The following PKP2 variants were observed in gnomAD, a reference collection of about 807,000 sequenced individuals.
The protein encoded by PKP2 is plakophilin-2.
A neutral mutation model predicts 83.4 loss-of-function variants in PKP2; 73 were observed. That is an observed-to-expected ratio of 0.88 (90% CI 0.72 to 1.06). The LOEUF (loss-of-function observed/expected upper bound fraction) is 1.06, where lower values mean the gene tolerates loss of function less well. Ranked by LOEUF, PKP2 falls within the 50% of genes least tolerant of loss-of-function variation. The pLI is 0.00. For missense variants in PKP2, 966 were observed against 1,065.4 expected (o/e 0.91, Z 1.30); for synonymous variants, 409 against 430.4 (o/e 0.95, Z 0.62).
chr12:32,892,316 T>C (rs1957081036), intron 1 of PKP2, among the ~76,000 whole-genome samples: 1 of 98,884 alleles, frequency 1.0e-5, no homozygotes, highest in East Asian at 2.2e-4. Flanking sequence ...CAGAATTCAC[T>C]TTTTTTTTTT....
chr12:32,847,460 C>T (rs1956657069), intron 5 of PKP2, among the ~76,000 whole-genome samples: 1 of 152,204 alleles, frequency 6.6e-6, no homozygotes, highest in African/African-American at 2.4e-5. Context: ...ACAGAATGTT[C>T]TCTGACGTTA....
chr12:32,876,777 G>T (rs906505607), intron 3 of PKP2, among the ~76,000 whole-genome samples: 1 of 152,150 alleles, frequency 6.6e-6, no homozygotes, highest in Non-Finnish European at 1.5e-5. Context: ...TGATTCGCTC[G>T]CCTGGGCATC....
chr12:32,799,221 A>G (rs1443776036), intron 10 of PKP2, among the ~76,000 whole-genome samples: 1 of 152,238 alleles, frequency 6.6e-6, no homozygotes, highest in African/African-American at 2.4e-5. Context: ...ATGCAAATTA[A>G]AAGCACAATG....
At chr12:32,823,598 G>T (rs76065521) in intron 7 of PKP2, among the ~76,000 whole-genome samples, 4,144 of 130,110 alleles carry the variant, frequency 0.032, 205 homozygotes, top group African/African-American at 0.11. Context: ...AAGGCAATAG[G>T]TTTTAATATT....
chr12:32,842,085 G>T (rs1012157366), intron 5 of PKP2, among the ~76,000 whole-genome samples: 6 of 152,152 alleles, frequency 3.9e-5, no homozygotes, highest in Admixed American at 3.9e-4. Context: ...CTGAGGCTGA[G>T]TACTGAGAGA....
intron 1 of PKP2, among the ~76,000 whole-genome samples, chr12:32,883,827 C>CAA (rs1169352574): frequency 6.6e-6 from 1 of 152,106 alleles, no homozygotes; most frequent in East Asian, 1.9e-4. Context: ...AGCATAGACT[C>CAA]AAACGCTTTC....
intron 9 of PKP2, among the ~76,000 whole-genome samples, chr12:32,804,757 A>G (rs1363475052): frequency 6.6e-6 from 1 of 152,304 alleles, no homozygotes; most frequent in East Asian, 1.9e-4. Flanking sequence ...TGCTGCAATG[A>G]ACAAACACAT....
At chr12:32,884,670 T>C (rs1049316379) in intron 1 of PKP2, among the ~76,000 whole-genome samples, 6 of 152,236 alleles carry the variant, frequency 3.9e-5, no homozygotes, top group African/African-American at 1.2e-4. Flanking sequence ...AGATAAGGTT[T>C]CTAAATAGAA....
At chr12:32,867,777 TGA>T (rs756646443) in intron 4 of PKP2, among the ~76,000 whole-genome samples, 2 of 152,218 alleles carry the variant, frequency 1.3e-5, no homozygotes, top group African/African-American at 2.4e-5. Flanking sequence ...TGTTTGTGTG[TGA>T]GAGAGATTGA....
intron 10 of PKP2, among the ~76,000 whole-genome samples, chr12:32,801,347 C>T (rs1325484370): frequency 6.6e-6 from 1 of 151,174 alleles, no homozygotes; most frequent in Non-Finnish European, 1.5e-5. Flanking sequence ...GGATAATACA[C>T]TGCCATTGAA....
chr12:32,840,372 C>T (rs1956578517), intron 6 of PKP2, among the ~76,000 whole-genome samples: 2 of 152,134 alleles, frequency 1.3e-5, no homozygotes, highest in Admixed American at 6.5e-5. Flanking sequence ...AATCATGGCT[C>T]ACTGGAACCT....
intron 4 of PKP2, among the ~76,000 whole-genome samples, chr12:32,865,433 C>A (rs185909497): frequency 6.7e-5 from 10 of 149,820 alleles, no homozygotes; most frequent in African/African-American, 2.0e-4. Flanking sequence ...GTAATCCCAG[C>A]ACTTTGGGAG....
At chr12:32,824,897 C>T (rs572118882) in intron 6 of PKP2, among the ~76,000 whole-genome samples, 4 of 152,202 alleles carry the variant, frequency 2.6e-5, no homozygotes, top group African/African-American at 9.6e-5. Flanking sequence ...TTATCAAATA[C>T]AGGAAAGTAA....
intron 1 of PKP2, among the ~76,000 whole-genome samples, chr12:32,880,788 T>TTTTTTG (rs1555148450): frequency 5.3e-5 from 8 of 151,528 alleles, no homozygotes; most frequent in Admixed American, 1.3e-4. Flanking sequence ...CTCTCAGCTT[T>TTTTTTG]TTTTGAGTTT....
intron 4 of PKP2, among the ~76,000 whole-genome samples, chr12:32,858,793 A>G (rs1592754154): frequency 6.6e-6 from 1 of 152,246 alleles, no homozygotes; most frequent in South Asian, 2.1e-4. Flanking sequence ...AAAATACACA[A>G]TGGATTAAAA....
At chr12:32,853,319 C>A (rs1354762870) in intron 4 of PKP2, among the ~76,000 whole-genome samples, 1 of 150,672 alleles carries the variant, frequency 6.6e-6, no homozygotes, top group Non-Finnish European at 1.5e-5. Flanking sequence ...ATCTGAAAAA[C>A]CCTAAATTCA....
intron 6 of PKP2, among the ~76,000 whole-genome samples, chr12:32,825,888 T>G (rs1284830840): frequency 6.6e-6 from 1 of 151,520 alleles, no homozygotes; most frequent in Non-Finnish European, 1.5e-5. Context: ...AGTAAGACCC[T>G]GTCTAAAAAA....
chr12:32,839,890 G>GTATGCATTTCAAGAA (rs1221594441), intron 6 of PKP2, among the ~76,000 whole-genome samples: 2 of 152,214 alleles, frequency 1.3e-5, no homozygotes, highest in Non-Finnish European at 2.9e-5. Context: ...TTTCAAGAAT[G>GTATGCATTTCAAGAA]TGGTCCTTTA....
In PKP2 at chr12:32,890,697, G is replaced by A. The variant is rs541985965; in HGVS notation, c.223+5812C>T. 1.9e-4 allele frequency among the ~76,000 whole-genome samples: 29 copies of A among 152,142 alleles called. No individual in the cohort carries two copies. In the East Asian group the frequency reaches 4.6e-3, roughly 24 times the overall value. On this transcript the variant is annotated intron_variant, in intron 1 of 12. Transcript: ENST00000340811. ...ACACAGGCCGGGTGCGGTGGCTCAC[G>A]CCTGAGATCCCAGCACTTTGGGAGG... is the stretch of plus-strand genomic sequence containing the variant.
Sources: allele counts gnomAD v4.1 joint callset (sites outside exome capture counted in the v4.1 genomes callset), GRCh38; gene constraint gnomAD v4.1.1; transcripts MANE v1.5; gene names NCBI Gene and HGNC (gene_info 2026-07-23, HGNC 2026-07-21).